PCSK6: variants seen among roughly 807,000 people sequenced by gnomAD.
PCSK6 encodes the protein proprotein convertase subtilisin/kexin type 6, also known as paired basic amino acid cleaving enzyme 4.
A neutral mutation model predicts 123.3 loss-of-function variants in PCSK6; 85 were observed. That is an observed-to-expected ratio of 0.69 (90% CI 0.58 to 0.83). The LOEUF (loss-of-function observed/expected upper bound fraction) is 0.83. Ranked by LOEUF, PCSK6 falls within the 40% of genes least tolerant of loss-of-function variation. PCSK6 has a pLI of 0.00. For synonymous variants in PCSK6, 508 were observed against 516.0 expected, an observed-to-expected ratio of 0.98 and a Z score of 0.21; for missense variants, 1,191 against 1,282.3, an observed-to-expected ratio of 0.93 and a Z score of 1.09.
At chr15:101,313,099 C>T (rs756672113) in intron 20 of PCSK6, 21 of 1,383,718 alleles carry the variant, frequency 1.5e-5, no homozygotes, top group South Asian at 1.0e-4. Flanking sequence ...GGACGTCCCG[C>T]GTAGTCCACC....
rs1010942516 is a variant in PCSK6, at chr15:101,354,282, A to G, written c.1858+11914T>C. ...CATATCCACATAGACATGCACATGG[A>G]CACACAGATACATACAAGCCCACAT... is the stretch of plus-strand genomic sequence containing the variant. On this transcript the variant is annotated intron_variant, in intron 13 of 21. Coordinates refer to ENST00000611716, the MANE Select transcript of PCSK6 (RefSeq NM_002570.5). Among the ~76,000 whole-genome samples, 4 of 152,324 alleles carry G rather than the reference A, an allele frequency of 2.6e-5. No homozygotes were observed. In the East Asian group the frequency reaches 7.7e-4, roughly 29 times the overall value.
intron 6 of PCSK6, among the ~76,000 whole-genome samples, chr15:101,406,112 A>G (rs1026974527): frequency 3.3e-5 from 5 of 152,204 alleles, no homozygotes; most frequent in Admixed American, 2.6e-4. Context: ...ACCTATCAAC[A>G]TGCAGCCGGC....
Position 101,461,161 on chromosome 15 carries a change from C to G in PCSK6, c.298-17501G>C, listed in dbSNP as rs144923653. On this transcript the variant is annotated intron_variant, in intron 1 of 21. Transcript: ENST00000611716. ...AATTAAGGCGCAAACGAATAAATAA[C>G]ATGATAAGTGGAAAAAGGATGTAAC... is the stretch of plus-strand genomic sequence containing the variant. 1.6e-4 allele frequency among the ~76,000 whole-genome samples: 24 copies of G among 152,188 alleles called. No homozygotes were observed. In the East Asian group the frequency reaches 4.6e-3, roughly 29 times the overall value.
At chr15:101,484,941 T>C (rs572681143) in intron 1 of PCSK6, among the ~76,000 whole-genome samples, 1 of 152,332 alleles carries the variant, frequency 6.6e-6, no homozygotes, top group African/African-American at 2.4e-5. Context: ...CAAGTCTCTT[T>C]GTGCACACGT....
chr15:101,326,415 G>A lies in PCSK6; in HGVS notation c.2142C>T (p.Asn714=). The A allele has an allele frequency of 6.3e-7, 1 of 1,584,248 alleles. No individual in the cohort carries two copies. Among genetic ancestry groups the A allele is most frequent in the Non-Finnish European group, 8.6e-7 (1 of 1,165,040 alleles). The change falls in exon 16 of 22, where the codon AAC becomes AAT. Residue 714 remains asparagine (N), a synonymous_variant. Transcript: ENST00000611716. ...CACTCCCCAGGCTGAAGTGGACGCA[G>A]TTCAAGCACTGGTCTGCATTGGGGC... ...CDGPNADQCL[N]CVHFSLGSVK... is the part of the protein sequence containing the mutation.
In PCSK6 at chr15:101,432,038, CG is replaced by C; in HGVS notation, c.464del (p.Pro155ArgfsTer30). On this transcript the variant is annotated frameshift_variant, in exon 3 of 22. Transcript: ENST00000611716. LOFTEE classifies it high-confidence loss of function. The stretch of plus-strand genomic sequence containing the variant: ...TGGGGTCGTTGAAGTAAAGGGCCTG[CG>C]GGTCACTTCGCACCTGTCTCTTCAC... ...RRVKRQVRSD[P>X]QALYFNDPIW... 6.2e-7 allele frequency: 1 copy of C among 1,613,660 alleles called. No homozygotes were observed. Among genetic ancestry groups the C allele is most frequent in the East Asian group, 2.2e-5 (1 of 44,880 alleles).
intron 6 of PCSK6, among the ~76,000 whole-genome samples, chr15:101,426,667 C>T (rs1250729870): frequency 1.3e-5 from 2 of 152,196 alleles, no homozygotes; most frequent in African/African-American, 2.4e-5. Flanking sequence ...CAAGAAATTC[C>T]CCCAAGGACT....
At chr15:101,403,311 A>T in intron 6 of PCSK6, among the ~76,000 whole-genome samples, 2 of 149,368 alleles carry the variant, frequency 1.3e-5, no homozygotes, top group African/African-American at 4.9e-5. Flanking sequence ...TAGGAGATAT[A>T]CCTAATGCTA....
At chr15:101,403,729 A>C (rs2141594596) in intron 6 of PCSK6, among the ~76,000 whole-genome samples, 1 of 151,154 alleles carries the variant, frequency 6.6e-6, no homozygotes, top group East Asian at 1.9e-4. Flanking sequence ...TTATTTATTT[A>C]TTTATTTTGA....
At chr15:101,426,835 G>A (rs548977147) in intron 6 of PCSK6, among the ~76,000 whole-genome samples, 57 of 123,152 alleles carry the variant, frequency 4.6e-4, no homozygotes, top group African/African-American at 1.8e-3. Context: ...GGCAGAAAGC[G>A]GCTGCAGGCA....
intron 13 of PCSK6, chr15:101,347,918 C>T: frequency 1.5e-6 from 1 of 668,068 alleles, no homozygotes; most frequent in South Asian, 1.7e-5. Flanking sequence ...AAGCTGGCTG[C>T]AGCTCCACAA....
intron 16 of PCSK6, among the ~76,000 whole-genome samples, chr15:101,325,389 G>T (rs74891957): frequency 0.025 from 3,871 of 152,294 alleles, 145 homozygotes; most frequent in African/African-American, 0.085. Flanking sequence ...TGAGTCTTGT[G>T]GGCAGTGAGT....
intron 13 of PCSK6, among the ~76,000 whole-genome samples, chr15:101,352,986 T>G (rs1161925954): frequency 6.6e-6 from 1 of 152,248 alleles, no homozygotes; most frequent in South Asian, 2.1e-4. Context: ...GGAATCAGTT[T>G]ATTGGAAGAC....
At position 101,304,619 on chromosome 15, in the gene PCSK6, T is replaced by A. The variant is rs1036731963; in HGVS notation, c.*639A>T. 1 of 152,502 alleles carries A rather than the reference T, an allele frequency of 6.6e-6. No homozygotes were observed. The highest frequency in any genetic ancestry group is 2.1e-4 in the South Asian group (1 of 4,820). 9.4% of individuals were successfully genotyped at this position (152,502 alleles called of 1,614,324 possible). A position where few individuals can be genotyped will look rare whatever the true frequency, so the allele number is the denominator to read the frequency against. On this transcript the variant is annotated 3_prime_UTR_variant, in exon 22 of 22. Transcript: ENST00000611716. ...AAGGAGAGCGCTGCGGGGGATAGAA[T>A]CTTCTGGTCTGGCTTTGGAATTGGA...
At chr15:101,431,256 T>C (rs1028311275) in intron 4 of PCSK6, 64 bp downstream of exon 4, 1 of 1,565,186 alleles carries the variant, frequency 6.4e-7, no homozygotes, top group Non-Finnish European at 8.8e-7. Context: ...TTTTTAAACT[T>C]GCATTTACTT....
Position 101,326,492 on chromosome 15 carries a change from A to G in PCSK6, c.2078-13T>C. 6.4e-7 allele frequency: 1 copy of G among 1,564,200 alleles called. No individual in the cohort carries two copies. The highest frequency in any genetic ancestry group is 8.7e-7 in the Non-Finnish European group (1 of 1,153,096). ...GGATGGCACACACCTTAAAGAAACA[A>G]GCATTGCCTTTCATCCAGAGAGACG... On this transcript the variant is annotated splice_polypyrimidine_tract_variant and intron_variant, in intron 15 of 21. Coordinates refer to ENST00000611716, the MANE Select transcript of PCSK6 (RefSeq NM_002570.5).
At chr15:101,322,377 C>T (rs780682205) in intron 18 of PCSK6, 143 bp downstream of exon 18, 117 of 624,034 alleles carry the variant, frequency 1.9e-4, no homozygotes, top group Non-Finnish European at 2.9e-4. Context: ...ACACGATTTC[C>T]AGGACTCGGA....
At chr15:101,442,328 T>TCATC (rs1298989480) in intron 2 of PCSK6, among the ~76,000 whole-genome samples, 1 of 152,166 alleles carries the variant, frequency 6.6e-6, no homozygotes. Flanking sequence ...ATCCATCCAT[T>TCATC]CATCCATCCA....
chr15:101,375,960 G>T (rs1273367975), intron 11 of PCSK6, among the ~76,000 whole-genome samples: 1 of 152,196 alleles, frequency 6.6e-6, no homozygotes. Flanking sequence ...CTTGAACCTG[G>T]GAGGTGGAGG....
Sources: allele counts gnomAD v4.1 joint callset (sites outside exome capture counted in the v4.1 genomes callset), GRCh38; gene constraint gnomAD v4.1.1; transcripts MANE v1.5; gene names NCBI Gene and HGNC (gene_info 2026-07-23, HGNC 2026-07-21).